Variants in EEF1AKMT2 observed in about 807,000 individuals in gnomAD.
The protein encoded by EEF1AKMT2 is EEF1A lysine methyltransferase 2, also known as eukaryotic translation elongation factor 1 alpha lysine methyltransferase 2.
EEF1AKMT2 carries 32 observed loss-of-function variants against 35.8 expected under a neutral mutation model. The ratio of observed to expected loss-of-function variants is 0.89; its 90% CI spans 0.67 to 1.20. The LOEUF is 1.20. Among genes scored for constraint, EEF1AKMT2 ranks in the 50% most tolerant of loss-of-function variants. EEF1AKMT2 has a pLI of 0.00. For missense variants in EEF1AKMT2, 330 were observed against 347.5 expected, an observed-to-expected ratio of 0.95 and a Z score of 0.40; for synonymous variants, 121 against 133.7, an observed-to-expected ratio of 0.91 and a Z score of 0.65.
At chr10:124,788,161 A>T (rs1950603446) in intron 3 of EEF1AKMT2, among the ~76,000 whole-genome samples, 1 of 152,124 alleles carries the variant, frequency 6.6e-6, no homozygotes, top group African/African-American at 2.4e-5. Context: ...CCTTTAGATA[A>T]TATTTCCATT....
Position 124,762,337 on chromosome 10 carries a change from G to C in EEF1AKMT2, c.838C>G (p.Leu280Val), listed in dbSNP as rs1313769196. The C allele has an allele frequency of 1.6e-6, 2 of 1,239,298 alleles. No individual in the cohort carries two copies. Among genetic ancestry groups the C allele is most frequent in the East Asian group, 1.2e-4 (2 of 16,888 alleles). The allele number at this position is 1,239,298 out of a possible 1,614,324, so 76.8% of individuals were successfully genotyped here. Residue 280 changes from leucine (L) to valine (V), a missense_variant, in exon 6 of 7, where the codon CTG becomes GTG. Physicochemically the swap from Leu to Val is conservative, Grantham distance 32. Transcript: ENST00000368836. Reference sequence around the variant, plus strand: ...GAGGGCCTGGCATGGTATAATCCCAGCACTTTGGGAGGCCAGGTGGGAGAA... The same window carrying C: ...GAGGGCCTGGCATGGTATAATCCCACCACTTTGGGAGGCCAGGTGGGAGAA... Reference protein sequence around the residue: ...SDSPTWPPKVLGLYHARPSLA... With the variant: ...SDSPTWPPKVVGLYHARPSLA...
chr10:124,760,321 G>T lies in EEF1AKMT2; in HGVS notation c.*182C>A. 1 of 801,326 alleles carries T rather than the reference G, an allele frequency of 1.2e-6. No individual in the cohort carries two copies. The highest frequency in any genetic ancestry group is 1.7e-5 in the South Asian group (1 of 60,066). The allele number at this position is 801,326 out of a possible 1,614,324, so 49.6% of individuals were successfully genotyped here. ...CATGTGCATCCTGTGTACTTACTAA[G>T]CATTTATTTGCACAAGGATTTTCTG... is the stretch of plus-strand genomic sequence containing the variant. On this transcript the variant is annotated 3_prime_UTR_variant, in exon 7 of 7. Coordinates refer to ENST00000368836, the MANE Select transcript of EEF1AKMT2 (RefSeq NM_212554.4).
intron 3 of EEF1AKMT2, among the ~76,000 whole-genome samples, chr10:124,779,712 C>T (rs1658648193): frequency 8.0e-6 from 1 of 125,624 alleles, no homozygotes; most frequent in African/African-American, 3.1e-5. Flanking sequence ...TGCACCACTG[C>T]ACTCCAGCCT....
rs1208702354 is a variant in EEF1AKMT2, at chr10:124,762,442, A to C, written c.733T>G (p.Trp245Gly). Residue 245 changes from tryptophan to glycine, a missense_variant, in exon 6 of 7, where the codon TGG becomes GGG. Trp to Gly is a radical substitution (Grantham distance 184). Coordinates refer to ENST00000368836, the MANE Select transcript of EEF1AKMT2 (RefSeq NM_212554.4). Reference protein sequence around the residue: ...GGTTGTHHHAWIIFVFLAETR... With the variant: ...GGTTGTHHHAGIIFVFLAETR... ...TCTGCTAAAAATACAAAAATTATCCAGGCATGATGATGTGTGCCTGTAGTT... is the reference window on the plus strand; with the variant it reads ...TCTGCTAAAAATACAAAAATTATCCCGGCATGATGATGTGTGCCTGTAGTT... 1 of 1,300,844 alleles carries C rather than the reference A, an allele frequency of 7.7e-7. No individual in the cohort carries two copies. The highest frequency in any genetic ancestry group is 1.5e-5 in the African/African-American group (1 of 65,738). 80.6% of individuals were successfully genotyped at this position (1,300,844 alleles called of 1,614,324 possible).
intron 5 of EEF1AKMT2, among the ~76,000 whole-genome samples, chr10:124,763,280 T>C (rs1345585434): frequency 1.3e-5 from 2 of 152,112 alleles, no homozygotes; most frequent in African/African-American, 2.4e-5. Context: ...ACTAAAAAAA[T>C]TATAACACAA....
chr10:124,782,922 G>A, intron 3 of EEF1AKMT2: 1 of 413,088 alleles, frequency 2.4e-6, no homozygotes, highest in Non-Finnish European at 4.8e-6. Flanking sequence ...ACCAGTTAAA[G>A]GTTAGAGATT....
chr10:124,777,418 A>T (rs529021638), intron 3 of EEF1AKMT2, among the ~76,000 whole-genome samples: 1 of 152,300 alleles, frequency 6.6e-6, no homozygotes, highest in Admixed American at 6.5e-5. Flanking sequence ...CACTTAGGCT[A>T]CATGGTATGG....
intron 3 of EEF1AKMT2, among the ~76,000 whole-genome samples, chr10:124,788,365 A>G (rs1242332192): frequency 6.6e-6 from 1 of 151,960 alleles, no homozygotes; most frequent in Non-Finnish European, 1.5e-5. Flanking sequence ...GTCAGTCCAT[A>G]CTCTATTGTA....
intron 4 of EEF1AKMT2, among the ~76,000 whole-genome samples, chr10:124,772,140 C>G (rs995843177): frequency 1.6e-4 from 24 of 152,180 alleles, no homozygotes; most frequent in Admixed American, 1.6e-3. Context: ...TTGGCTTCAA[C>G]TTAAAGTCAT....
intron 3 of EEF1AKMT2, among the ~76,000 whole-genome samples, chr10:124,783,451 T>C (rs1288965844): frequency 1.3e-5 from 2 of 152,032 alleles, no homozygotes; most frequent in South Asian, 2.1e-4. Flanking sequence ...GCCAAGAATA[T>C]GGAGAAATTT....
intron 5 of EEF1AKMT2, among the ~76,000 whole-genome samples, chr10:124,764,772 T>C (rs1950362856): frequency 6.6e-6 from 1 of 152,228 alleles, no homozygotes; most frequent in Non-Finnish European, 1.5e-5. Context: ...CCATTTGCAT[T>C]ATTATGGATT....
At position 124,769,218 on chromosome 10, in the gene EEF1AKMT2, C is replaced by CACAAAAAAAAAAAAAAAAAAAAAAAAAA. The variant is rs754443902; in HGVS notation, c.400-3611_400-3610insTTTTTTTTTTTTTTTTTTTTTTTTTTGT. 8.9e-4 allele frequency among the ~76,000 whole-genome samples: 28 copies of CACAAAAAAAAAAAAAAAAAAAAAAAAAA among 31,296 alleles called. 14 individuals carry two copies. The highest frequency in any genetic ancestry group is 1.9e-3 in the African/African-American group (16 of 8,534). 20.5% of individuals were successfully genotyped at this position (31,296 alleles called of 152,430 possible). ...GGGCTACAGGGCAAGACACTGTCTC[C>CACAAAAAAAAAAAAAAAAAAAAAAAAAA]AAAAAAAAAAAAAAAATATATATAT... On this transcript the variant is annotated intron_variant, in intron 4 of 6. Coordinates refer to ENST00000368836, the MANE Select transcript of EEF1AKMT2 (RefSeq NM_212554.4).
chr10:124,779,574 G>A (rs1301685819), intron 3 of EEF1AKMT2, among the ~76,000 whole-genome samples: 7 of 150,400 alleles, frequency 4.7e-5, no homozygotes, highest in Admixed American at 2.7e-4. Context: ...GTGAAACCCC[G>A]TCTCTACTAA....
intron 3 of EEF1AKMT2, among the ~76,000 whole-genome samples, chr10:124,777,446 A>G (rs1354653026): frequency 1.3e-5 from 2 of 152,132 alleles, no homozygotes; most frequent in East Asian, 3.8e-4. Context: ...CTCCTAGGCT[A>G]CACACCTGTA....
rs1297537238 is a variant in EEF1AKMT2, at chr10:124,765,443, T to C, written c.565A>G (p.Ile189Val). The change falls in exon 5 of 7, where the codon ATA becomes GTA. Residue 189 changes from isoleucine (I) to valine (V), a missense_variant. By Grantham distance (29) the Ile-to-Val change is conservative. Coordinates refer to ENST00000368836, the MANE Select transcript of EEF1AKMT2 (RefSeq NM_212554.4). ...RVLKVKGFFL[I>V]TSCNWTKEEL... is the part of the protein sequence containing the mutation. Reference sequence around the variant, plus strand: ...TCCTTGGTCCAATTACATGACGTTATTAGAAAAAAGCCTTTTACTTTCAAC... The same window carrying C: ...TCCTTGGTCCAATTACATGACGTTACTAGAAAAAAGCCTTTTACTTTCAAC... 6.2e-7 allele frequency: 1 copy of C among 1,614,010 alleles called. No homozygotes were observed. The highest frequency in any genetic ancestry group is 2.2e-5 in the East Asian group (1 of 44,820).
chr10:124,776,973 G>A (rs998526285), intron 3 of EEF1AKMT2, among the ~76,000 whole-genome samples: 1 of 151,862 alleles, frequency 6.6e-6, no homozygotes, highest in African/African-American at 2.4e-5. Flanking sequence ...TTAAAAACAG[G>A]AAAGAATATC....
chr10:124,787,412 G>A (rs1950594905), intron 3 of EEF1AKMT2, among the ~76,000 whole-genome samples: 1 of 117,366 alleles, frequency 8.5e-6, no homozygotes, highest in Non-Finnish European at 1.6e-5. Context: ...CAGCCTGGGT[G>A]TCAGAGCCAA....
intron 3 of EEF1AKMT2, among the ~76,000 whole-genome samples, chr10:124,787,297 ATGGCG>A (rs1950593397): frequency 1.3e-5 from 2 of 152,046 alleles, no homozygotes; most frequent in Admixed American, 1.3e-4. Flanking sequence ...GCGAGGCATA[ATGGCG>A]TGCGCCTGTA....
At chr10:124,774,974 A>G (rs1950476043) in intron 3 of EEF1AKMT2, 192 bp from the exon 4 acceptor site, 1 of 246,406 alleles carries the variant, frequency 4.1e-6, no homozygotes, top group South Asian at 1.7e-4. Context: ...CTATGACAAT[A>G]CCTTTGTTTT....
Sources: gnomAD v4.1 joint callset for allele counts (sites outside exome capture counted in the v4.1 genomes callset) on GRCh38, gnomAD v4.1.1 for gene constraint, MANE v1.5 for transcripts, NCBI Gene and HGNC (gene_info 2026-07-23, HGNC 2026-07-21) for gene names.